Variants in KAZN observed in about 807,000 individuals in gnomAD.
The protein encoded by KAZN is kazrin, periplakin interacting protein.
KAZN carries 40 observed loss-of-function variants against 87.4 expected under a neutral mutation model. That is an observed-to-expected ratio of 0.46 (90% CI 0.36 to 0.60). The LOEUF (loss-of-function observed/expected upper bound fraction) is 0.60. Among genes scored for constraint, KAZN ranks in the 20% least tolerant of loss-of-function variants. The pLI, the probability that KAZN is intolerant of heterozygous loss-of-function variation, is 0.00. For missense variants in KAZN, 898 were observed against 1,073.9 expected, an observed-to-expected ratio of 0.84 and a Z score of 2.29; for synonymous variants, 466 against 458.3, an observed-to-expected ratio of 1.02 and a Z score of -0.22.
At chr1:14,430,049 G>C (rs1665956820) in intron 2 of KAZN, among the ~76,000 whole-genome samples, 1 of 151,854 alleles carries the variant, frequency 6.6e-6, no homozygotes, top group African/African-American at 2.4e-5. Context: ...CCAACTCCAG[G>C]GCCTTTGCAG....
At chr1:15,103,544 A>G (rs765071233) in intron 12 of KAZN, 84 bp downstream of exon 12, 3 of 883,734 alleles carry the variant, frequency 3.4e-6, no homozygotes, top group East Asian at 2.7e-5. Flanking sequence ...TATGCAAATC[A>G]CATGCAAATC....
intron 2 of KAZN, among the ~76,000 whole-genome samples, chr1:14,540,415 C>T (rs1672740400): frequency 6.6e-6 from 1 of 152,202 alleles, no homozygotes; most frequent in Non-Finnish European, 1.5e-5. Context: ...CAGGCTGCCT[C>T]CCTTGTTTAT....
rs1462505812 is a variant in KAZN at position 15,063,377 on chromosome 1, A to G, written c.1048-195A>G. ...AGAGGACCCCAGGAACTCTAGGGAA[A>G]CTCCAGGCCCCATCAATAAGCCATC... is the stretch of plus-strand genomic sequence containing the variant. On this transcript the variant is annotated intron_variant, in intron 6 of 14. Coordinates refer to ENST00000376030, the MANE Select transcript of KAZN (RefSeq NM_201628.3). The G allele has an allele frequency of 5.1e-6, 3 of 591,044 alleles. No homozygotes were observed. The African/African-American group carries it at 5.6e-5, about 11-fold the overall frequency. 36.6% of individuals were successfully genotyped at this position (591,044 alleles called of 1,614,324 possible).
chr1:14,753,681 T>C (rs1021109153), intron 1 of KAZN, among the ~76,000 whole-genome samples: 2 of 152,154 alleles, frequency 1.3e-5, no homozygotes, highest in Non-Finnish European at 2.9e-5. Context: ...TGGGGCCAAT[T>C]CTTCACCCCA....
intron 2 of KAZN, among the ~76,000 whole-genome samples, chr1:14,220,685 A>C (rs1647077117): frequency 2.0e-5 from 3 of 152,158 alleles, no homozygotes; most frequent in Non-Finnish European, 4.4e-5. Context: ...GAATATTAGA[A>C]TTAATGCAGC....
chr1:14,366,499 G>A (rs1360713022), intron 2 of KAZN, among the ~76,000 whole-genome samples: 1 of 152,244 alleles, frequency 6.6e-6, no homozygotes. Flanking sequence ...TGGAGGGCGG[G>A]CACTGGAGCT....
At chr1:14,687,608 G>A (rs1395260770) in intron 1 of KAZN, among the ~76,000 whole-genome samples, 1 of 152,192 alleles carries the variant, frequency 6.6e-6, no homozygotes. Flanking sequence ...CACAAGGGGG[G>A]AGGATAAGTC....
chr1:14,243,011 C>G (rs1274554513), intron 2 of KAZN, among the ~76,000 whole-genome samples: 2 of 152,176 alleles, frequency 1.3e-5, no homozygotes, highest in African/African-American at 2.4e-5. Context: ...GTGAGAGCAG[C>G]ATGTGACCAC....
At chr1:14,921,985 T>C (rs2101497353) in intron 1 of KAZN, among the ~76,000 whole-genome samples, 1 of 152,340 alleles carries the variant, frequency 6.6e-6, no homozygotes, top group South Asian at 2.1e-4. Flanking sequence ...GTGCTGGGAT[T>C]CCAGGCATGA....
chr1:15,107,123 C>T (rs1282132983), intron 13 of KAZN, among the ~76,000 whole-genome samples: 1 of 152,178 alleles, frequency 6.6e-6, no homozygotes, highest in Admixed American at 6.5e-5. Context: ...TGATCTCTCT[C>T]CCCTGGGATC....
At chr1:15,012,973 AC>A (rs1669727621) in intron 2 of KAZN, among the ~76,000 whole-genome samples, 1 of 152,146 alleles carries the variant, frequency 6.6e-6, no homozygotes, top group South Asian at 2.1e-4. Flanking sequence ...AACCCAAGGC[AC>A]CAGGCGTGGT....
chr1:14,340,582 TCA>T, intron 2 of KAZN, among the ~76,000 whole-genome samples: 1 of 152,332 alleles, frequency 6.6e-6, no homozygotes, highest in African/African-American at 2.4e-5. Flanking sequence ...CTATGCATTG[TCA>T]CAGAGACACC....
At chr1:14,730,921 T>A (rs1342153085) in intron 1 of KAZN, among the ~76,000 whole-genome samples, 1 of 152,132 alleles carries the variant, frequency 6.6e-6, no homozygotes, top group Non-Finnish European at 1.5e-5. Context: ...AGATGCCCAC[T>A]CTTGGGCACA....
At chr1:14,431,774 C>T (rs1666084653) in intron 2 of KAZN, among the ~76,000 whole-genome samples, 1 of 152,178 alleles carries the variant, frequency 6.6e-6, no homozygotes, top group African/African-American at 2.4e-5. Flanking sequence ...GGGACTTGCA[C>T]CAGTGGCCTC....
At chr1:14,094,086 T>A (rs1570723886) in intron 1 of KAZN, among the ~76,000 whole-genome samples, 1 of 151,666 alleles carries the variant, frequency 6.6e-6, no homozygotes, top group South Asian at 2.1e-4. Flanking sequence ...GGAAAGGGGG[T>A]TTTGGTTTCT....
At chr1:13,956,949 A>G (rs16853268) in intron 1 of KAZN, among the ~76,000 whole-genome samples, 19,463 of 152,172 alleles carry the variant, frequency 0.13, 1,297 homozygotes, top group East Asian at 0.15. Context: ...TATGAATTGT[A>G]TTAATTTTGT....
At chr1:13,987,754 C>A (rs1307133675) in intron 1 of KAZN, among the ~76,000 whole-genome samples, 1 of 152,126 alleles carries the variant, frequency 6.6e-6, no homozygotes, top group Non-Finnish European at 1.5e-5. Context: ...AATCCCATTT[C>A]TTAATAGTGT....
At position 14,427,872 on chromosome 1, in the gene KAZN, C is replaced by A. The variant is rs143410946; in HGVS notation, c.250-171111C>A. Among the ~76,000 whole-genome samples, 497 of 152,282 alleles carry A rather than the reference C, an allele frequency of 3.3e-3. 1 individual carries two copies. Among genetic ancestry groups the A allele is most frequent in the African/African-American group, 0.011 (443 of 41,560 alleles). ...TTATAATGGACTACCTGTAAATGAA[C>A]TCCAGACTATGTTCTTCCTAATGCT... On this transcript the variant is annotated intron_variant, in intron 2 of 16. Coordinates refer to the KAZN transcript ENST00000636203.
chr1:14,828,406 A>AT (rs1285709489), intron 1 of KAZN, among the ~76,000 whole-genome samples: 1 of 152,216 alleles, frequency 6.6e-6, no homozygotes, highest in Non-Finnish European at 1.5e-5. Flanking sequence ...GTGTTTAAAA[A>AT]TTACAGCTAT....
Sources: allele counts gnomAD v4.1 joint callset (sites outside exome capture counted in the v4.1 genomes callset), GRCh38; gene constraint gnomAD v4.1.1; transcripts MANE v1.5; gene names NCBI Gene and HGNC (gene_info 2026-07-23, HGNC 2026-07-21).